The following ESYT2 variants were observed in gnomAD, a reference collection of about 807,000 sequenced individuals.
The protein encoded by ESYT2 is extended synaptotagmin 2, also known as extended synaptotagmin-2.
A neutral mutation model predicts 107.2 loss-of-function variants in ESYT2; 54 were observed. The ratio of observed to expected loss-of-function variants is 0.50; its 90% confidence interval spans 0.40 to 0.63. The LOEUF (loss-of-function observed/expected upper bound fraction) is 0.63. Among genes scored for constraint, ESYT2 ranks in the 30% least tolerant of loss-of-function variants. The pLI is 0.00. For synonymous variants in ESYT2, 491 were observed against 434.1 expected (o/e 1.13, Z -1.63); for missense variants, 1,020 against 1,094.5 (o/e 0.93, Z 0.96).
At chr7:158,806,777 A>G (rs1281673058) in intron 1 of ESYT2, among the ~76,000 whole-genome samples, 4 of 152,252 alleles carry the variant, frequency 2.6e-5, no homozygotes, top group Admixed American at 2.6e-4. Flanking sequence ...AATTAAAATG[A>G]GTCCAAGAAT....
chr7:158,815,458 C>A (rs920848033), intron 1 of ESYT2, among the ~76,000 whole-genome samples: 1 of 152,054 alleles, frequency 6.6e-6, no homozygotes, highest in Non-Finnish European at 1.5e-5. Context: ...ATTCCCCTGA[C>A]ATTCAGGCAC....
In ESYT2 at chr7:158,737,145, G is replaced by C; in HGVS notation, c.2302C>G (p.Pro768Ala). The change falls in exon 20 of 23, where the codon CCC (proline) becomes GCC (alanine). Residue 768 changes from proline (P) to alanine (A), a missense_variant. Transcript: ENST00000275418. ...LIAFSEDGSD[P>A]YVRMYLLPDK... ...GGTAATAAATACATGCGGACATAGG[G>C]GTCAGAGCCGTCTTCAGAGAAGGCA... is the stretch of plus-strand genomic sequence containing the variant. 6.2e-7 allele frequency: 1 copy of C among 1,613,832 alleles called. No individual in the cohort carries two copies. The highest frequency in any genetic ancestry group is 8.5e-7 in the Non-Finnish European group (1 of 1,179,848).
At chr7:158,773,317 T>C in intron 7 of ESYT2, 24 bp downstream of exon 7, 1 of 1,613,964 alleles carries the variant, frequency 6.2e-7, no homozygotes, top group Non-Finnish European at 8.5e-7. Flanking sequence ...ACGCTAAGCC[T>C]CCGGGACCAG....
chr7:158,828,580 G>A (rs941132478), intron 1 of ESYT2, among the ~76,000 whole-genome samples: 11 of 152,188 alleles, frequency 7.2e-5, no homozygotes, highest in African/African-American at 2.7e-4. Context: ...GGCGAGGGGA[G>A]GCTTCACGAG....
chr7:158,828,434 A>G (rs1840518884), intron 1 of ESYT2, among the ~76,000 whole-genome samples: 1 of 152,060 alleles, frequency 6.6e-6, no homozygotes, highest in Non-Finnish European at 1.5e-5. Flanking sequence ...ACCAGGAGGA[A>G]GCGCGCGCTC....
At chr7:158,810,149 AC>A (rs141227108) in intron 1 of ESYT2, among the ~76,000 whole-genome samples, 4,811 of 152,306 alleles carry the variant, frequency 0.032, 209 homozygotes, top group African/African-American at 0.1. Flanking sequence ...ACACAGAGGT[AC>A]CATATGACCC....
chr7:158,822,828 T>G (rs1435074487), intron 1 of ESYT2, among the ~76,000 whole-genome samples: 1 of 152,122 alleles, frequency 6.6e-6, no homozygotes, highest in South Asian at 2.1e-4. Context: ...TTACCTAGTT[T>G]TTAAAATTCA....
At chr7:158,779,641 T>TTA (rs1417230391) in intron 6 of ESYT2, among the ~76,000 whole-genome samples, 1 of 152,162 alleles carries the variant, frequency 6.6e-6, no homozygotes, top group East Asian at 1.9e-4. Flanking sequence ...AACGACTGAT[T>TTA]TTTAAGGACA....
intron 10 of ESYT2, 45 bp downstream of exon 10, chr7:158,763,038 C>A (rs1458545413): frequency 7.2e-7 from 1 of 1,396,062 alleles, no homozygotes; most frequent in Non-Finnish European, 1.0e-6. Flanking sequence ...AACAAAAAGA[C>A]TGACCCCATG....
chr7:158,782,975 C>G (rs1020293236), intron 6 of ESYT2, among the ~76,000 whole-genome samples: 2 of 152,208 alleles, frequency 1.3e-5, no homozygotes, highest in African/African-American at 4.8e-5. Context: ...CCGATAAAGG[C>G]CTGGCTTTAG....
At chr7:158,756,488 C>A (rs1216997521) in intron 13 of ESYT2, among the ~76,000 whole-genome samples, 1 of 152,190 alleles carries the variant, frequency 6.6e-6, no homozygotes, top group Admixed American at 6.5e-5. Flanking sequence ...TAAGTGAAGG[C>A]AAATTTTTAT....
At chr7:158,828,992 C>T in intron 1 of ESYT2, 97 bp downstream of exon 1, 1 of 1,499,094 alleles carries the variant, frequency 6.7e-7, no homozygotes, top group South Asian at 1.3e-5. Context: ...TCTGCACTCA[C>T]CCAGGCGGCA....
At chr7:158,817,976 A>G (rs1840191547) in intron 1 of ESYT2, among the ~76,000 whole-genome samples, 1 of 152,192 alleles carries the variant, frequency 6.6e-6, no homozygotes, top group Non-Finnish European at 1.5e-5. Context: ...CACTGGATTT[A>G]TTTTCTACAG....
At chr7:158,817,057 C>G (rs766144790) in intron 1 of ESYT2, among the ~76,000 whole-genome samples, 5 of 152,156 alleles carry the variant, frequency 3.3e-5, no homozygotes, top group Admixed American at 2.0e-4. Context: ...TAACATTTTA[C>G]AAATTGGGTA....
rs1490407756 is a variant in ESYT2, at chr7:158,743,674, C to A, written c.1649G>T (p.Arg550Ile). The A allele has an allele frequency of 6.2e-7, 1 of 1,608,446 alleles. No homozygotes were observed. The highest frequency in any genetic ancestry group is 2.3e-5 in the East Asian group (1 of 44,294). Reference sequence around the variant, plus strand: ...CAGGGAACACTGGTGCTGCTCGTCTCTGACCTGCAAAACACAGGGTGGAAA... The same window carrying A: ...CAGGGAACACTGGTGCTGCTCGTCTATGACCTGCAAAACACAGGGTGGAAA... ...PKRQDLEVEV[R>I]DEQHQCSLGN... The change falls in exon 17 of 23, where the codon AGA becomes ATA. Residue 550 changes from arginine (R) to isoleucine (I), a missense_variant. Physicochemically the swap from Arg to Ile is moderately conservative, Grantham distance 97. Coordinates refer to ENST00000275418, the MANE Select transcript of ESYT2 (RefSeq NM_001367773.1).
rs754537807 is a variant in ESYT2 at position 158,734,481 on chromosome 7, G to T, written c.2506-10C>A. 3.8e-5 allele frequency: 62 copies of T among 1,612,202 alleles called. 2 individuals carry two copies. In the South Asian group the frequency reaches 4.8e-4, roughly 13 times the overall value. ...CCAGAGCAACCAATACCTGTGGGTT[G>T]TTAAAAAAGCAGTTAAAGTAGGCTG... is the stretch of plus-strand genomic sequence containing the variant. On this transcript the variant is annotated splice_polypyrimidine_tract_variant and intron_variant, in intron 21 of 22. Transcript: ENST00000275418.
At chr7:158,782,217 G>A (rs556715668) in intron 6 of ESYT2, among the ~76,000 whole-genome samples, 7 of 123,812 alleles carry the variant, frequency 5.7e-5, no homozygotes, top group African/African-American at 2.0e-4. Flanking sequence ...GAACGTGTGA[G>A]AACAGATGTG....
chr7:158,775,629 C>CT (rs1838535764), intron 6 of ESYT2, among the ~76,000 whole-genome samples: 1 of 152,220 alleles, frequency 6.6e-6, no homozygotes, highest in African/African-American at 2.4e-5. Flanking sequence ...ATTCAGCCCC[C>CT]TCTTCAGGCT....
At chr7:158,750,806 C>G (rs1014592219) in intron 14 of ESYT2, among the ~76,000 whole-genome samples, 2 of 152,150 alleles carry the variant, frequency 1.3e-5, no homozygotes, top group Admixed American at 1.3e-4. Flanking sequence ...GTTGGCTAAC[C>G]TCCCTTGCAG....
Sources: gnomAD v4.1 joint callset for allele counts (sites outside exome capture counted in the v4.1 genomes callset) on GRCh38, gnomAD v4.1.1 for gene constraint, MANE v1.5 for transcripts, NCBI Gene and HGNC (gene_info 2026-07-23, HGNC 2026-07-21) for gene names.